DLG2: variants seen among roughly 807,000 people sequenced by gnomAD.
The protein encoded by DLG2 is disks large homolog 2.
A neutral mutation model predicts 132.5 loss-of-function variants in DLG2; 45 were observed. That is an observed-to-expected ratio of 0.34 (90% CI 0.27 to 0.44). The LOEUF is 0.44. DLG2 is among the 20% of genes least tolerant of loss of function. DLG2 has a pLI of 1.00. For synonymous variants in DLG2, 424 were observed against 419.6 expected (o/e 1.01, Z -0.13); for missense variants, 1,045 against 1,196.9 (o/e 0.87, Z 1.87).
intron 6 of DLG2, among the ~76,000 whole-genome samples, chr11:84,984,537 A>G (rs1258115595): frequency 6.6e-6 from 1 of 152,074 alleles, no homozygotes; most frequent in African/African-American, 2.4e-5. Flanking sequence ...TCTTTAAAGC[A>G]TAAATCTCAC....
intron 17 of DLG2, 70 bp downstream of exon 17, chr11:83,833,544 T>C: frequency 6.8e-7 from 1 of 1,463,656 alleles, no homozygotes; most frequent in Non-Finnish European, 9.2e-7. Context: ...GGTATCATAA[T>C]TGAAAGTTAT....
chr11:85,237,485 G>A (rs189288082), intron 4 of DLG2, among the ~76,000 whole-genome samples: 189 of 152,002 alleles, frequency 1.2e-3, no homozygotes, highest in Non-Finnish European at 2.1e-3. Flanking sequence ...TCTGACCTTT[G>A]TGCAGTCAAA....
chr11:84,518,821 A>G (rs1230013505), intron 7 of DLG2, among the ~76,000 whole-genome samples: 1 of 152,160 alleles, frequency 6.6e-6, no homozygotes, highest in Non-Finnish European at 1.5e-5. Context: ...ACCATCACTC[A>G]GTAGCTCTGG....
chr11:83,571,697 C>G (rs12275631), intron 19 of DLG2, among the ~76,000 whole-genome samples: 1 of 151,526 alleles, frequency 6.6e-6, no homozygotes, highest in African/African-American at 2.4e-5. Flanking sequence ...TACTGATGAG[C>G]GGACTGAAAC....
intron 9 of DLG2, among the ~76,000 whole-genome samples, chr11:84,132,575 T>C (rs1275554027): frequency 2.0e-5 from 3 of 152,034 alleles, no homozygotes; most frequent in Non-Finnish European, 4.4e-5. Flanking sequence ...CCTTAATTTA[T>C]TGAGAACCTA....
At chr11:83,578,504 T>C (rs979916639) in intron 19 of DLG2, among the ~76,000 whole-genome samples, 5 of 152,090 alleles carry the variant, frequency 3.3e-5, no homozygotes, top group Admixed American at 6.6e-5. Context: ...TCCAACTATA[T>C]AGTGTTTATA....
chr11:85,022,739 A>T (rs1270208485), intron 6 of DLG2, among the ~76,000 whole-genome samples: 1 of 152,098 alleles, frequency 6.6e-6, no homozygotes, highest in Non-Finnish European at 1.5e-5. Flanking sequence ...CTTTGAGGAA[A>T]ACTTGATATG....
Position 84,827,727 on chromosome 11 carries a change from C to A in DLG2, c.357+283934G>T, listed in dbSNP as rs532859996. On this transcript the variant is annotated intron_variant, in intron 6 of 27. Transcript: ENST00000376104. ...CAGGTCAGAAATACAAACTTAGAGACTTTGAAACAAAGACCAAGAGCCATT... is the reference window on the plus strand; with the variant it reads ...CAGGTCAGAAATACAAACTTAGAGAATTTGAAACAAAGACCAAGAGCCATT... Among the ~76,000 whole-genome samples, 3 of 110,876 alleles carry A rather than the reference C, an allele frequency of 2.7e-5. No individual in the cohort carries two copies. In the East Asian group the frequency reaches 7.6e-4, roughly 28 times the overall value. The allele number at this position is 110,876 out of a possible 152,430, so 72.7% of individuals were successfully genotyped here.
intron 9 of DLG2, among the ~76,000 whole-genome samples, chr11:84,160,838 G>C (rs1159430216): frequency 2.0e-5 from 3 of 152,130 alleles, no homozygotes; most frequent in Non-Finnish European, 2.9e-5. Context: ...TAGTAGACCT[G>C]GTAGTAGGAA....
intron 7 of DLG2, among the ~76,000 whole-genome samples, chr11:84,377,165 T>C (rs1320327848): frequency 2.0e-5 from 3 of 152,086 alleles, no homozygotes; most frequent in African/African-American, 7.2e-5. Flanking sequence ...AATCCAAATA[T>C]AATCCAGGCT....
At chr11:84,158,719 T>C (rs1049354475) in intron 9 of DLG2, among the ~76,000 whole-genome samples, 2 of 152,210 alleles carry the variant, frequency 1.3e-5, no homozygotes, top group Admixed American at 1.3e-4. Context: ...CCATAACTTA[T>C]TTGTCATTGG....
chr11:84,902,622 T>C (rs984283539), intron 6 of DLG2, among the ~76,000 whole-genome samples: 1 of 152,160 alleles, frequency 6.6e-6, no homozygotes, highest in Admixed American at 6.6e-5. Context: ...TCCACACCTG[T>C]GATTTCAACT....
intron 6 of DLG2, among the ~76,000 whole-genome samples, chr11:84,569,307 A>G (rs2099471024): frequency 6.6e-6 from 1 of 152,238 alleles, no homozygotes; most frequent in Admixed American, 6.5e-5. Flanking sequence ...AAATGCACGG[A>G]CAACATACAA....
chr11:84,424,240 G>T (rs1390962467), intron 7 of DLG2, among the ~76,000 whole-genome samples: 10 of 152,066 alleles, frequency 6.6e-5, no homozygotes, highest in African/African-American at 2.4e-4. Context: ...GAAACTCAAG[G>T]TTGCTATATT....
rs138871665 is a variant in DLG2, at chr11:84,318,937, G to C, written c.520-67646C>G. ...AGTATAAATGGAAGGAAAAAATAGA[G>C]AAATGAAGGAGTTGATACACATTTT... On this transcript the variant is annotated intron_variant, in intron 7 of 27. Coordinates refer to ENST00000376104, the MANE Select transcript of DLG2 (RefSeq NM_001142699.3). 4.6e-5 allele frequency among the ~76,000 whole-genome samples: 7 copies of C among 152,252 alleles called. No homozygotes were observed. In the East Asian group the frequency reaches 1.2e-3, roughly 25 times the overall value.
intron 18 of DLG2, among the ~76,000 whole-genome samples, chr11:83,754,027 T>A (rs2093544049): frequency 6.7e-6 from 1 of 149,130 alleles, no homozygotes; most frequent in Non-Finnish European, 1.5e-5. Context: ...CTCTGCCCCA[T>A]CCCCAATTCC....
intron 6 of DLG2, among the ~76,000 whole-genome samples, chr11:84,715,569 GT>G (rs1191457205): frequency 6.6e-6 from 1 of 151,982 alleles, no homozygotes; most frequent in East Asian, 1.9e-4. Context: ...ATTCTACTGA[GT>G]TTGTATGTGT....
chr11:85,579,769 C>G (rs2078393899), intron 3 of DLG2, among the ~76,000 whole-genome samples: 1 of 152,140 alleles, frequency 6.6e-6, no homozygotes, highest in African/African-American at 2.4e-5. Flanking sequence ...TCACTGTAAC[C>G]TCTGCCTCCT....
chr11:83,879,525 T>C (rs1313057799), intron 15 of DLG2, among the ~76,000 whole-genome samples: 2 of 152,192 alleles, frequency 1.3e-5, no homozygotes, highest in South Asian at 2.1e-4. Context: ...TTTCCTTCTC[T>C]CTTAATATAG....
Sources: gnomAD v4.1 joint callset for allele counts (sites outside exome capture counted in the v4.1 genomes callset) on GRCh38, gnomAD v4.1.1 for gene constraint, MANE v1.5 for transcripts, NCBI Gene and HGNC (gene_info 2026-07-23, HGNC 2026-07-21) for gene names.